The following JAKMIP1 variants were observed in gnomAD, a reference collection of about 807,000 sequenced individuals.
JAKMIP1 encodes janus kinase and microtubule-interacting protein 1.
Under a neutral mutation model 113.0 loss-of-function variants are expected in JAKMIP1, and 33 were observed. That is an observed-to-expected ratio of 0.29 (90% CI 0.22 to 0.39). JAKMIP1 has a LOEUF of 0.39. Ranked by LOEUF, JAKMIP1 falls within the 10% of genes least tolerant of loss-of-function variation. JAKMIP1 has a pLI of 1.00. For synonymous variants in JAKMIP1, 480 were observed against 459.9 expected, an observed-to-expected ratio of 1.04 and a Z score of -0.56; for missense variants, 813 against 1,080.5, an observed-to-expected ratio of 0.75 and a Z score of 3.47.
chr4:6,133,390 A>G (rs1718793076), intron 1 of JAKMIP1, among the ~76,000 whole-genome samples: 1 of 152,256 alleles, frequency 6.6e-6, no homozygotes, highest in South Asian at 2.1e-4. Flanking sequence ...CGTATTATTT[A>G]TACTTTCAGA....
rs2109038442 is a variant in JAKMIP1, at chr4:6,179,827, CA to C, written c.-148+20425del. Among the ~76,000 whole-genome samples, 1 of 152,330 alleles carries C rather than the reference CA, an allele frequency of 6.6e-6. No homozygotes were observed. Among genetic ancestry groups the C allele is most frequent in the South Asian group, 2.1e-4 (1 of 4,828 alleles). On this transcript the variant is annotated intron_variant, in intron 1 of 20. Coordinates refer to ENST00000409021, the MANE Select transcript of JAKMIP1 (RefSeq NM_001099433.2). This position sits in a 1 kb window ranked among gnomAD's most constrained non-coding sequence, Gnocchi z 4.5. ...AGGTAGCAATATTATCCCCATATGA[CA>C]GATAAGGAAACTGAGGCTCAAAGAG...
intron 1 of JAKMIP1, among the ~76,000 whole-genome samples, chr4:6,126,536 AACAC>A (rs752202709): frequency 1.2e-4 from 17 of 137,134 alleles, no homozygotes; most frequent in East Asian, 4.4e-4. Flanking sequence ...ACCATACAGA[AACAC>A]ACACACACAA....
At chr4:6,098,729 AGAAAGAGAAGGAAG>A (rs1712465698) in intron 3 of JAKMIP1, among the ~76,000 whole-genome samples, 7 of 13,296 alleles carry the variant, frequency 5.3e-4, no homozygotes, top group Non-Finnish European at 1.1e-3. Flanking sequence ...AGAAAAAGAA[AGAAAGAGAAGGAAG>A]GAAGGAAGGA....
chr4:6,035,851 C>G, intron 19 of JAKMIP1, 53 bp downstream of exon 19: 1 of 1,468,266 alleles, frequency 6.8e-7, no homozygotes, highest in Non-Finnish European at 9.2e-7. Flanking sequence ...AAGGTGCACA[C>G]AGGACAACAA....
chr4:6,119,791 C>T (rs1377507130), intron 1 of JAKMIP1, among the ~76,000 whole-genome samples: 2 of 152,222 alleles, frequency 1.3e-5, no homozygotes, highest in East Asian at 3.9e-4. Context: ...GGACCTTTGC[C>T]TCCAAGGTGC....
At chr4:6,102,943 C>T (rs1489311597) in intron 3 of JAKMIP1, among the ~76,000 whole-genome samples, 1 of 151,790 alleles carries the variant, frequency 6.6e-6, no homozygotes, top group African/African-American at 2.4e-5. Context: ...CTGTGTTAGC[C>T]AGGATGGTCT....
rs111391477 is a variant in JAKMIP1 at position 6,076,401 on chromosome 4, TTA to T, written c.1302+2536_1302+2537del. 6.6e-6 allele frequency among the ~76,000 whole-genome samples: 1 copy of T among 150,512 alleles called. No homozygotes were observed. The highest frequency in any genetic ancestry group is 6.6e-5 in the Admixed American group (1 of 15,094). On this transcript the variant is annotated intron_variant, in intron 8 of 20. Coordinates refer to ENST00000409021, the MANE Select transcript of JAKMIP1 (RefSeq NM_001099433.2). The surrounding 1 kb of genome is among the most constrained non-coding windows in gnomAD (Gnocchi z 4.8). ...TAATTTTTCTCTGAGTTTTTCTATA[TTA>T]TATATATATATGTCTTCTGTAGCTG...
Position 6,193,384 on chromosome 4 carries a change from T to G in JAKMIP1, c.-148+6869A>C, listed in dbSNP as rs1727493507. Among the ~76,000 whole-genome samples the G allele has an allele frequency of 6.6e-6, 1 of 152,158 alleles. No individual in the cohort carries two copies. Among genetic ancestry groups the G allele is most frequent in the Non-Finnish European group, 1.5e-5 (1 of 68,044 alleles). ...GGTGAGTCAATTCTCCTTAATAAAC[T>G]CCTTTTCATATACACATATATCCGA... On this transcript the variant is annotated intron_variant, in intron 1 of 20. Coordinates refer to ENST00000409021, the MANE Select transcript of JAKMIP1 (RefSeq NM_001099433.2). This position sits in a 1 kb window ranked among gnomAD's most constrained non-coding sequence, Gnocchi z 6.4.
At chr4:6,066,544 C>A (rs1718109603) in intron 8 of JAKMIP1, among the ~76,000 whole-genome samples, 1 of 152,128 alleles carries the variant, frequency 6.6e-6, no homozygotes, top group Non-Finnish European at 1.5e-5. Flanking sequence ...TCCTAGCGGG[C>A]AGTGACTTAC....
chr4:6,053,841 G>A, intron 13 of JAKMIP1: 1 of 1,397,874 alleles, frequency 7.2e-7, no homozygotes, highest in Non-Finnish European at 9.3e-7. Flanking sequence ...ATAGACTTGG[G>A]TGAGCACGCT....
rs1415135073 is a variant in JAKMIP1 at position 6,155,755 on chromosome 4, T to G, written c.-147-42758A>C. ...CGGGATATTATAGTGTCCTTTAAGC[T>G]GAAGCTCTATCATCTCAAATTTTGC... On this transcript the variant is annotated intron_variant, in intron 1 of 20. Coordinates refer to ENST00000409021, the MANE Select transcript of JAKMIP1 (RefSeq NM_001099433.2). The surrounding 1 kb of genome is among the most constrained non-coding windows in gnomAD (Gnocchi z 6.1). Among the ~76,000 whole-genome samples the G allele has an allele frequency of 6.6e-6, 1 of 152,238 alleles. No individual in the cohort carries two copies. Among genetic ancestry groups the G allele is most frequent in the Admixed American group, 6.5e-5 (1 of 15,288 alleles).
chr4:6,157,673 C>A lies in JAKMIP1; in HGVS notation c.-148+42580G>T, dbSNP rs1288490212. 6.6e-6 allele frequency among the ~76,000 whole-genome samples: 1 copy of A among 152,168 alleles called. No homozygotes were observed. The highest frequency in any genetic ancestry group is 1.5e-5 in the Non-Finnish European group (1 of 68,012). On this transcript the variant is annotated intron_variant, in intron 1 of 20. Coordinates refer to ENST00000409021, the MANE Select transcript of JAKMIP1 (RefSeq NM_001099433.2). The surrounding 1 kb of genome is among the most constrained non-coding windows in gnomAD (Gnocchi z 4.7). ...GCGTAGCCCTGGACATGCTACCTAA[C>A]CCCTGCTTTCTCCTGTTTAAACTGG...
At chr4:6,190,314 T>C (rs1379947815) in intron 1 of JAKMIP1, among the ~76,000 whole-genome samples, 1 of 152,080 alleles carries the variant, frequency 6.6e-6, no homozygotes. Context: ...TCTAACATAG[T>C]TACACATGTT....
intron 12 of JAKMIP1, chr4:6,054,874 G>T: frequency 2.2e-6 from 1 of 456,580 alleles, no homozygotes; most frequent in Admixed American, 2.3e-5. Flanking sequence ...CTAGAGGGGG[G>T]CCCTCTGCCA....
rs1718205347 is a variant in JAKMIP1, at chr4:6,067,069, C to T, written c.1303-2061G>A. Among the ~76,000 whole-genome samples, 3 of 152,148 alleles carry T rather than the reference C, an allele frequency of 2.0e-5. No homozygotes were observed. The highest frequency in any genetic ancestry group is 2.1e-4 in the South Asian group (1 of 4,824). On this transcript the variant is annotated intron_variant, in intron 8 of 20. Coordinates refer to ENST00000409021, the MANE Select transcript of JAKMIP1 (RefSeq NM_001099433.2). This position sits in a 1 kb window ranked among gnomAD's most constrained non-coding sequence, Gnocchi z 4.6. ...CAGGTCCCTCCTGCTTCACCCCCGCCCCAGCCTCTGGGGCCTCCTTCTTTA... is the reference window on the plus strand; with the variant it reads ...CAGGTCCCTCCTGCTTCACCCCCGCTCCAGCCTCTGGGGCCTCCTTCTTTA...
chr4:6,039,731 G>A (rs1005681918), intron 18 of JAKMIP1, among the ~76,000 whole-genome samples: 12 of 152,106 alleles, frequency 7.9e-5, no homozygotes, highest in African/African-American at 2.2e-4. Context: ...TCACAGCCTC[G>A]ACAGGAAGGG....
chr4:6,172,423 C>T (rs528092090), intron 1 of JAKMIP1, among the ~76,000 whole-genome samples: 1 of 152,310 alleles, frequency 6.6e-6, no homozygotes, highest in Non-Finnish European at 1.5e-5. Flanking sequence ...AGACCCAGGC[C>T]AGCCCATGTC....
intron 1 of JAKMIP1, among the ~76,000 whole-genome samples, chr4:6,161,220 T>C (rs1250693660): frequency 1.6e-4 from 12 of 75,932 alleles, no homozygotes; most frequent in African/African-American, 4.4e-4. Context: ...TCTCCACTCA[T>C]CTCCCTGACC....
intron 1 of JAKMIP1, among the ~76,000 whole-genome samples, chr4:6,173,049 A>C (rs2109026339): frequency 6.6e-6 from 1 of 152,292 alleles, no homozygotes; most frequent in African/African-American, 2.4e-5. Context: ...AACAAAGGAT[A>C]AACAATGAAA....
Sources: gnomAD v4.1 joint callset for allele counts (sites outside exome capture counted in the v4.1 genomes callset) on GRCh38, gnomAD v4.1.1 for gene constraint, Gnocchi (gnomAD v3.1) non-coding constraint, MANE v1.5 for transcripts, NCBI Gene and HGNC (gene_info 2026-07-23, HGNC 2026-07-21) for gene names.